Variants in E2F3 observed in about 807,000 individuals in gnomAD.
E2F3 encodes the protein E2F transcription factor 3, also known as transcription factor E2F3.
Under a neutral mutation model 44.4 loss-of-function variants are expected in E2F3, and 11 were observed. The observed-to-expected ratio is 0.25, with a 90% confidence interval of 0.16 to 0.41. The LOEUF (loss-of-function observed/expected upper bound fraction) is 0.41. Ranked by LOEUF, E2F3 falls within the 10% of genes least tolerant of loss-of-function variation. The probability of loss-of-function intolerance (pLI) is 1.00; values close to 1 mark genes in which losing one functional copy is unlikely to be tolerated. For missense variants in E2F3, 487 were observed against 583.6 expected (o/e 0.83, Z 1.70); for synonymous variants, 249 against 253.0 (o/e 0.98, Z 0.15).
intron 1 of E2F3, among the ~76,000 whole-genome samples, chr6:20,430,365 A>G (rs1229742818): frequency 6.6e-6 from 1 of 152,246 alleles, no homozygotes; most frequent in African/African-American, 2.4e-5. Flanking sequence ...ACCAGGAAAT[A>G]CCACTCACGT....
In E2F3 at chr6:20,479,836, C is replaced by T. The variant is rs1170345646; in HGVS notation, c.394-10C>T. The T allele has an allele frequency of 6.2e-7, 1 of 1,606,326 alleles. No homozygotes were observed. Among genetic ancestry groups the T allele is most frequent in the Non-Finnish European group, 8.5e-7 (1 of 1,175,946 alleles). On this transcript the variant is annotated splice_polypyrimidine_tract_variant and intron_variant, in intron 1 of 6. Coordinates refer to ENST00000346618, the MANE Select transcript of E2F3 (RefSeq NM_001949.5). ...GACCGGTGACGAGAGATCGCACTTT[C>T]TTATTACAGGCAAAGCGAAGGCTGG...
chr6:20,415,792 A>C (rs1156736840), intron 1 of E2F3, among the ~76,000 whole-genome samples: 1 of 152,136 alleles, frequency 6.6e-6, no homozygotes, highest in South Asian at 2.1e-4. Flanking sequence ...CAGGCCACCT[A>C]AGCCCTGTCT....
intron 6 of E2F3, among the ~76,000 whole-genome samples, chr6:20,488,657 T>TC (rs1038532167): frequency 3.3e-5 from 5 of 151,822 alleles, no homozygotes; most frequent in East Asian, 1.9e-4. Context: ...TGTCTTATTT[T>TC]CCCCCCCAAT....
At chr6:20,459,180 G>A (rs536796417) in intron 1 of E2F3, among the ~76,000 whole-genome samples, 1 of 152,332 alleles carries the variant, frequency 6.6e-6, no homozygotes, top group East Asian at 1.9e-4. Flanking sequence ...GCTGAGGCAG[G>A]AGTCTCACTT....
chr6:20,453,337 T>A (rs1761196302), intron 1 of E2F3, among the ~76,000 whole-genome samples: 1 of 152,238 alleles, frequency 6.6e-6, no homozygotes, highest in African/African-American at 2.4e-5. Flanking sequence ...GCTATTACTT[T>A]TTTTACATTT....
At chr6:20,410,588 C>T in intron 1 of E2F3, among the ~76,000 whole-genome samples, 1 of 152,186 alleles carries the variant, frequency 6.6e-6, no homozygotes, top group East Asian at 1.9e-4. Flanking sequence ...CCACAGGCAT[C>T]TCATGGGCTG....
chr6:20,412,648 G>T (rs1759713989), intron 1 of E2F3, among the ~76,000 whole-genome samples: 1 of 152,148 alleles, frequency 6.6e-6, no homozygotes, highest in Non-Finnish European at 1.5e-5. Context: ...TGTGGGGATT[G>T]TTCACGAATA....
At chr6:20,472,812 T>C (rs1303572009) in intron 1 of E2F3, among the ~76,000 whole-genome samples, 1 of 152,178 alleles carries the variant, frequency 6.6e-6, no homozygotes, top group African/African-American at 2.4e-5. Flanking sequence ...AAAATGATTA[T>C]AGGAGAGGAG....
chr6:20,431,674 C>A (rs1441920973), intron 1 of E2F3, among the ~76,000 whole-genome samples: 1 of 152,108 alleles, frequency 6.6e-6, no homozygotes, highest in Admixed American at 6.5e-5. Flanking sequence ...CTTCTACACA[C>A]ACTCTTCAAT....
At chr6:20,472,054 A>ACG (rs1282503608) in intron 1 of E2F3, among the ~76,000 whole-genome samples, 1 of 151,428 alleles carries the variant, frequency 6.6e-6, no homozygotes, top group African/African-American at 2.4e-5. Flanking sequence ...ACACACACAC[A>ACG]CACACACACA....
In E2F3 at chr6:20,491,408, G is replaced by A. The variant is rs1458450844; in HGVS notation, c.*978G>A. On this transcript the variant is annotated 3_prime_UTR_variant, in exon 7 of 7. Coordinates refer to ENST00000346618, the MANE Select transcript of E2F3 (RefSeq NM_001949.5). ...TGTGATCTAAGGTTTATCAGCCTCTGCAAGGAGCTTTGTCCCATCGTGCTT... is the reference window on the plus strand; with the variant it reads ...TGTGATCTAAGGTTTATCAGCCTCTACAAGGAGCTTTGTCCCATCGTGCTT... 1 of 225,908 alleles carries A rather than the reference G, an allele frequency of 4.4e-6. No homozygotes were observed. Among genetic ancestry groups the A allele is most frequent in the Non-Finnish European group, 8.8e-6 (1 of 113,110 alleles). The allele number at this position is 225,908 out of a possible 1,614,324, so 14.0% of individuals were successfully genotyped here. A position where few individuals can be genotyped will look rare whatever the true frequency, so the allele number is the denominator to read the frequency against.
Position 20,484,523 on chromosome 6 carries a change from G to GT in E2F3, c.884+1609dup, listed in dbSNP as rs1275661421. 3.9e-5 allele frequency among the ~76,000 whole-genome samples: 6 copies of GT among 152,264 alleles called. No homozygotes were observed. The East Asian group carries it at 1.2e-3, about 29-fold the overall frequency. On this transcript the variant is annotated intron_variant, in intron 4 of 6. Transcript: ENST00000346618. ...CTGTAGTGTAAGTACCTGGTTGTCA[G>GT]TTTTTTCCAGTGTTCTCAGTAAAAA... is the stretch of plus-strand genomic sequence containing the variant.
chr6:20,456,899 C>T (rs2127604000), intron 1 of E2F3, among the ~76,000 whole-genome samples: 1 of 152,268 alleles, frequency 6.6e-6, no homozygotes, highest in East Asian at 1.9e-4. Context: ...GGTAAGATCT[C>T]ATGCAGAATT....
chr6:20,411,029 A>T (rs1474411698), intron 1 of E2F3, among the ~76,000 whole-genome samples: 1 of 152,240 alleles, frequency 6.6e-6, no homozygotes, highest in African/African-American at 2.4e-5. Flanking sequence ...CTCTCGCCTA[A>T]TGCAGTCTTT....
At chr6:20,470,012 C>T (rs747330305) in intron 1 of E2F3, among the ~76,000 whole-genome samples, 1 of 152,180 alleles carries the variant, frequency 6.6e-6, no homozygotes, top group Non-Finnish European at 1.5e-5. Flanking sequence ...GTCCCCCTTC[C>T]TCATCATTCT....
chr6:20,461,211 A>G (rs1483025414), intron 1 of E2F3, among the ~76,000 whole-genome samples: 1 of 151,424 alleles, frequency 6.6e-6, no homozygotes, highest in Non-Finnish European at 1.5e-5. Context: ...ATACATTTGA[A>G]GGTCGGGCAC....
At chr6:20,469,467 G>A (rs1411320622) in intron 1 of E2F3, among the ~76,000 whole-genome samples, 1 of 152,184 alleles carries the variant, frequency 6.6e-6, no homozygotes, top group Non-Finnish European at 1.5e-5. Flanking sequence ...GAAAAACCAT[G>A]TGCATCTATT....
chr6:20,403,732 C>T (rs928208459), intron 1 of E2F3: 4 of 1,429,056 alleles, frequency 2.8e-6, no homozygotes, highest in African/African-American at 1.5e-5. Context: ...CGCCCTCGCC[C>T]TGCGCCGCCG....
chr6:20,440,110 C>T lies in E2F3; in HGVS notation c.393+37485C>T, dbSNP rs554306461. The T allele has an allele frequency of 3.3e-5, 5 of 152,278 alleles. No individual in the cohort carries two copies. In the East Asian group the frequency reaches 9.7e-4, roughly 29 times the overall value. The allele number at this position is 152,278 out of a possible 1,614,324, so 9.4% of individuals were successfully genotyped here. On this transcript the variant is annotated intron_variant, in intron 1 of 6. Coordinates refer to ENST00000346618, the MANE Select transcript of E2F3 (RefSeq NM_001949.5). ...CCCTTTGTCATACTTTCTTGCACTCCACTTACTACATATCAAGGATTTGCC... is the reference window on the plus strand; with the variant it reads ...CCCTTTGTCATACTTTCTTGCACTCTACTTACTACATATCAAGGATTTGCC...
Sources: allele counts gnomAD v4.1 joint callset (sites outside exome capture counted in the v4.1 genomes callset), GRCh38; gene constraint gnomAD v4.1.1; transcripts MANE v1.5; gene names NCBI Gene and HGNC (gene_info 2026-07-23, HGNC 2026-07-21).